SH3RF1: variants seen among roughly 807,000 people sequenced by gnomAD.
The protein encoded by SH3RF1 is E3 ubiquitin-protein ligase SH3RF1.
A neutral mutation model predicts 74.0 loss-of-function variants in SH3RF1; 32 were observed. The ratio of observed to expected loss-of-function variants is 0.43; its 90% CI spans 0.33 to 0.58. The LOEUF (loss-of-function observed/expected upper bound fraction) is 0.58. Ranked by LOEUF, SH3RF1 falls within the 20% of genes least tolerant of loss-of-function variation. SH3RF1 has a pLI of 0.05. For missense variants in SH3RF1, 954 were observed against 1,130.9 expected (o/e 0.84, Z 2.24); for synonymous variants, 396 against 439.6 (o/e 0.90, Z 1.24).
Position 169,141,795 on chromosome 4 carries a change from G to A in SH3RF1, c.766-5175C>T, listed in dbSNP as rs549327798. On this transcript the variant is annotated intron_variant, in intron 4 of 11. Coordinates refer to ENST00000284637, the MANE Select transcript of SH3RF1 (RefSeq NM_020870.4). The stretch of plus-strand genomic sequence containing the variant: ...AGAGATTATAGGCAAGTGCCACCAT[G>A]GCCCGCCTAATTTTTGCTTTTTTTT... Among the ~76,000 whole-genome samples the A allele has an allele frequency of 5.7e-4, 85 of 149,872 alleles. 2 individuals carry two copies. Among genetic ancestry groups the A allele is most frequent in the Non-Finnish European group, 2.1e-4 (14 of 67,542 alleles).
intron 10 of SH3RF1, among the ~76,000 whole-genome samples, chr4:169,107,841 C>T (rs1486036790): frequency 1.3e-5 from 2 of 152,230 alleles, no homozygotes; most frequent in African/African-American, 4.8e-5. Context: ...AGTCAAACCA[C>T]ATCTCCCTTG....
At chr4:169,262,315 T>A (rs957663754) in intron 2 of SH3RF1, among the ~76,000 whole-genome samples, 1 of 152,228 alleles carries the variant, frequency 6.6e-6, no homozygotes, top group African/African-American at 2.4e-5. Flanking sequence ...AATTTTTTTT[T>A]ACAACCAGAA....
chr4:169,204,697 T>C (rs1730212826), intron 2 of SH3RF1, among the ~76,000 whole-genome samples: 2 of 152,046 alleles, frequency 1.3e-5, no homozygotes, highest in African/African-American at 2.4e-5. Context: ...ACTACAGGCA[T>C]GCACTACCAC....
intron 4 of SH3RF1, among the ~76,000 whole-genome samples, chr4:169,137,240 T>C (rs1733716046): frequency 6.6e-6 from 1 of 152,222 alleles, no homozygotes. Flanking sequence ...TATCATCCTA[T>C]GTGCACGTAC....
At chr4:169,209,203 C>A (rs1035960105) in intron 2 of SH3RF1, among the ~76,000 whole-genome samples, 2 of 151,596 alleles carry the variant, frequency 1.3e-5, no homozygotes, top group Non-Finnish European at 2.9e-5. Flanking sequence ...GCAGGAGAAT[C>A]GCTTGAACCC....
At chr4:169,249,530 G>T (rs1731062808) in intron 2 of SH3RF1, among the ~76,000 whole-genome samples, 1 of 152,224 alleles carries the variant, frequency 6.6e-6, no homozygotes, top group South Asian at 2.1e-4. Context: ...AGTTACAGCA[G>T]CAGAAATGGA....
chr4:169,139,065 C>T (rs1733743283), intron 4 of SH3RF1, among the ~76,000 whole-genome samples: 1 of 152,184 alleles, frequency 6.6e-6, no homozygotes, highest in Non-Finnish European at 1.5e-5. Context: ...AATCCTCTTG[C>T]CTCAACCTCC....
intron 2 of SH3RF1, among the ~76,000 whole-genome samples, chr4:169,170,771 T>A (rs1734314925): frequency 6.6e-6 from 1 of 152,222 alleles, no homozygotes; most frequent in Admixed American, 6.5e-5. Context: ...TCTGATCTAA[T>A]CTGTCTGATC....
At chr4:169,174,502 C>T (rs1734384623) in intron 2 of SH3RF1, among the ~76,000 whole-genome samples, 1 of 152,136 alleles carries the variant, frequency 6.6e-6, no homozygotes, top group Admixed American at 6.5e-5. Context: ...ACTGATGCTG[C>T]CCAGGGAGCC....
intron 2 of SH3RF1, among the ~76,000 whole-genome samples, chr4:169,242,718 G>A (rs1411929233): frequency 1.3e-5 from 2 of 152,316 alleles, no homozygotes; most frequent in East Asian, 1.9e-4. Flanking sequence ...TATGAAGGGA[G>A]TGGGTTTGTT....
At chr4:169,101,475 T>C (rs142322524) in intron 11 of SH3RF1, among the ~76,000 whole-genome samples, 4 of 152,174 alleles carry the variant, frequency 2.6e-5, no homozygotes, top group East Asian at 3.9e-4. Context: ...GAAGAGTTAG[T>C]GCTTAATGAG....
intron 2 of SH3RF1, among the ~76,000 whole-genome samples, chr4:169,170,396 G>T (rs1161779227): frequency 6.6e-6 from 1 of 152,168 alleles, no homozygotes; most frequent in Admixed American, 6.5e-5. Flanking sequence ...GATCATGCTA[G>T]CTGTATTCCT....
chr4:169,245,498 A>C (rs1173210491), intron 2 of SH3RF1, among the ~76,000 whole-genome samples: 1 of 152,226 alleles, frequency 6.6e-6, no homozygotes, highest in Non-Finnish European at 1.5e-5. Context: ...AGATGACATA[A>C]GCTTATGTCC....
At chr4:169,208,657 A>G (rs1195508264) in intron 2 of SH3RF1, among the ~76,000 whole-genome samples, 1 of 152,184 alleles carries the variant, frequency 6.6e-6, no homozygotes, top group Non-Finnish European at 1.5e-5. Context: ...CTGAGTTTTG[A>G]ATCAGGCATC....
At chr4:169,102,394 GA>G (rs201412933) in intron 11 of SH3RF1, among the ~76,000 whole-genome samples, 6,862 of 147,936 alleles carry the variant, frequency 0.046, 236 homozygotes, top group South Asian at 0.13. Context: ...ATCATACATA[GA>G]TTTTTTTTTT....
At chr4:169,157,343 C>A (rs1734076029) in intron 2 of SH3RF1, among the ~76,000 whole-genome samples, 1 of 152,188 alleles carries the variant, frequency 6.6e-6, no homozygotes, top group Non-Finnish European at 1.5e-5. Flanking sequence ...GACACGTGGT[C>A]TTTTACAGCC....
intron 2 of SH3RF1, among the ~76,000 whole-genome samples, chr4:169,190,818 C>G (rs1459445773): frequency 6.6e-6 from 1 of 152,148 alleles, no homozygotes; most frequent in Non-Finnish European, 1.5e-5. Context: ...ATGCTAAAAT[C>G]CTTAACAAAG....
chr4:169,177,982 C>T (rs1431630114), intron 2 of SH3RF1, among the ~76,000 whole-genome samples: 1 of 151,790 alleles, frequency 6.6e-6, no homozygotes, highest in African/African-American at 2.4e-5. Context: ...TGGTTGGGCA[C>T]GGTGGCTCAT....
chr4:169,196,273 T>C (rs953583038), intron 2 of SH3RF1, among the ~76,000 whole-genome samples: 2 of 152,222 alleles, frequency 1.3e-5, no homozygotes, highest in Non-Finnish European at 2.9e-5. Context: ...CAACAGGTTC[T>C]TGGAAACTGT....
Sources: gnomAD v4.1 joint callset for allele counts (sites outside exome capture counted in the v4.1 genomes callset) on GRCh38, gnomAD v4.1.1 for gene constraint, MANE v1.5 for transcripts, NCBI Gene and HGNC (gene_info 2026-07-23, HGNC 2026-07-21) for gene names.